Variants in ATXN10 observed in about 807,000 individuals in gnomAD.
The protein encoded by ATXN10 is ataxin 10.
A neutral mutation model predicts 52.9 loss-of-function variants in ATXN10; 28 were observed. The observed-to-expected ratio is 0.53, with a 90% CI of 0.39 to 0.73. The LOEUF is 0.73. Among genes scored for constraint, ATXN10 ranks in the 30% least tolerant of loss-of-function variants. The probability of loss-of-function intolerance (pLI) is 0.00; values close to 1 mark genes in which losing one functional copy is unlikely to be tolerated. For missense variants in ATXN10, 565 were observed against 577.0 expected (o/e 0.98, Z 0.21); for synonymous variants, 226 against 221.5 (o/e 1.02, Z -0.18).
chr22:45,733,668 A>G lies in ATXN10; in HGVS notation c.894+4078A>G, dbSNP rs1925173659. 6.6e-6 allele frequency among the ~76,000 whole-genome samples: 1 copy of G among 151,974 alleles called. No individual in the cohort carries two copies. The highest frequency in any genetic ancestry group is 2.1e-4 in the South Asian group (1 of 4,822). On this transcript the variant is annotated intron_variant, in intron 7 of 11. Coordinates refer to ENST00000252934, the MANE Select transcript of ATXN10 (RefSeq NM_013236.4). This position sits in a 1 kb window ranked among gnomAD's most constrained non-coding sequence, Gnocchi z 4.4. ...GCTACTCGGGAGGCGGAGGCAGAGA[A>G]TCACGTGAACCCGGGAGGCGGAGGT...
At position 45,715,361 on chromosome 22, in the gene ATXN10, G is replaced by A. The variant is rs1157532008; in HGVS notation, c.648-3052G>A. Among the ~76,000 whole-genome samples the A allele has an allele frequency of 6.6e-6, 1 of 152,160 alleles. No homozygotes were observed. The highest frequency in any genetic ancestry group is 1.5e-5 in the Non-Finnish European group (1 of 68,022). On this transcript the variant is annotated intron_variant, in intron 5 of 11. Transcript: ENST00000252934. This position sits in a 1 kb window ranked among gnomAD's most constrained non-coding sequence, Gnocchi z 4.4. ...ACACCTGCTTTTCAGCCATGGGCAG[G>A]ACTCATAGACAAATATCAGTATAGA...
In ATXN10 at chr22:45,683,209, C is replaced by T. The variant is rs1018732986; in HGVS notation, c.117-6503C>T. Among the ~76,000 whole-genome samples the T allele has an allele frequency of 6.6e-6, 1 of 152,188 alleles. No individual in the cohort carries two copies. The highest frequency in any genetic ancestry group is 2.4e-5 in the African/African-American group (1 of 41,440). ...TGGCACATGCCTGAAATTCTACCTA[C>T]TTGGGAGGCTGAGGCATGAGAATTG... On this transcript the variant is annotated intron_variant, in intron 1 of 11. Coordinates refer to ENST00000252934, the MANE Select transcript of ATXN10 (RefSeq NM_013236.4). This position sits in a 1 kb window ranked among gnomAD's most constrained non-coding sequence, Gnocchi z 4.8.
At chr22:45,811,686 C>G (rs985507835) in intron 10 of ATXN10, 1 of 469,976 alleles carries the variant, frequency 2.1e-6, no homozygotes, top group Middle Eastern at 3.3e-4. Context: ...ATGATATTGT[C>G]TCTATCCCCA....
chr22:45,788,445 CA>C (rs1199064603), intron 9 of ATXN10, among the ~76,000 whole-genome samples: 1 of 151,188 alleles, frequency 6.6e-6, no homozygotes, highest in Non-Finnish European at 1.5e-5. Flanking sequence ...CTACCTTTAC[CA>C]TGTATCTCGT....
chr22:45,758,519 A>C lies in ATXN10; in HGVS notation c.1173+17981A>C, dbSNP rs568544771. Among the ~76,000 whole-genome samples the C allele has an allele frequency of 6.6e-5, 10 of 152,278 alleles. 1 individual carries two copies. The highest frequency in any genetic ancestry group is 1.0e-4 in the Non-Finnish European group (7 of 68,054). On this transcript the variant is annotated intron_variant, in intron 9 of 11. Coordinates refer to ENST00000252934, the MANE Select transcript of ATXN10 (RefSeq NM_013236.4). ...AAACTGAAGTTTCCTAAGGCATATC[A>C]CACGTAATTCAAGGTTGCTTTGATG...
intron 1 of ATXN10, chr22:45,674,088 T>C (rs1249352694): frequency 2.0e-5 from 3 of 152,006 alleles, no homozygotes; most frequent in African/African-American, 7.3e-5. Flanking sequence ...TCCGCCTCCA[T>C]TGTGGGGAAT....
At chr22:45,752,838 A>T (rs1926032160) in intron 9 of ATXN10, among the ~76,000 whole-genome samples, 1 of 151,342 alleles carries the variant, frequency 6.6e-6, no homozygotes, top group Admixed American at 6.6e-5. Flanking sequence ...GGTTCAAGTG[A>T]TTCTCCTGCG....
At position 45,843,929 on chromosome 22, in the gene ATXN10, A is replaced by G; in HGVS notation, c.*258A>G. On this transcript the variant is annotated 3_prime_UTR_variant, in exon 12 of 12. Transcript: ENST00000252934. The surrounding 1 kb of genome is among the most constrained non-coding windows in gnomAD (Gnocchi z 4.5). ...AACGTGCATTTAAAGAATATATTGT[A>G]CTTACTGTGACAGCAGATAATAAAC... 1 of 525,116 alleles carries G rather than the reference A, an allele frequency of 1.9e-6. No homozygotes were observed. Among genetic ancestry groups the G allele is most frequent in the Non-Finnish European group, 3.4e-6 (1 of 294,086 alleles). 32.5% of individuals were successfully genotyped at this position (525,116 alleles called of 1,614,324 possible).
chr22:45,764,238 C>T (rs560033468), intron 9 of ATXN10, among the ~76,000 whole-genome samples: 1 of 152,094 alleles, frequency 6.6e-6, no homozygotes, highest in South Asian at 2.1e-4. Flanking sequence ...ACCCCCCAGC[C>T]CCCACCCCCA....
At position 45,813,089 on chromosome 22, in the gene ATXN10, A is replaced by G. The variant is rs894035812; in HGVS notation, c.1237+6067A>G. Among the ~76,000 whole-genome samples, 14 of 152,190 alleles carry G rather than the reference A, an allele frequency of 9.2e-5. No homozygotes were observed. In the East Asian group the frequency reaches 9.6e-4, roughly 10 times the overall value. On this transcript the variant is annotated intron_variant, in intron 10 of 11. Coordinates refer to ENST00000252934, the MANE Select transcript of ATXN10 (RefSeq NM_013236.4). ...CTGCCTCCTCAGGGACACGAGCCCAACTAGTGCCCAGCTGTTCACTCGCCC... is the reference window on the plus strand; with the variant it reads ...CTGCCTCCTCAGGGACACGAGCCCAGCTAGTGCCCAGCTGTTCACTCGCCC...
Position 45,841,874 on chromosome 22 carries a change from C to T in ATXN10, c.1238-1117C>T, listed in dbSNP as rs940894743. 6.6e-6 allele frequency among the ~76,000 whole-genome samples: 1 copy of T among 152,158 alleles called. No individual in the cohort carries two copies. The highest frequency in any genetic ancestry group is 2.4e-5 in the African/African-American group (1 of 41,418). ...TGCACAGGGGTGTTCAGGACAAGAT[C>T]AGAAGACTTGGCTCTTTAGCTCTAG... is the stretch of plus-strand genomic sequence containing the variant. On this transcript the variant is annotated intron_variant, in intron 10 of 11. Coordinates refer to ENST00000252934, the MANE Select transcript of ATXN10 (RefSeq NM_013236.4). The surrounding 1 kb of genome is among the most constrained non-coding windows in gnomAD (Gnocchi z 5.1).
Position 45,786,550 on chromosome 22 carries a change from T to C in ATXN10, c.1174-20409T>C, listed in dbSNP as rs1927330242. On this transcript the variant is annotated intron_variant, in intron 9 of 11. Coordinates refer to ENST00000252934, the MANE Select transcript of ATXN10 (RefSeq NM_013236.4). This position sits in a 1 kb window ranked among gnomAD's most constrained non-coding sequence, Gnocchi z 4.1. ...GGGCATTGCTCCCTGGTCGGAAGGATTGTTGGTTCTTCCTTACTTAGGTCT... is the reference window on the plus strand; with the variant it reads ...GGGCATTGCTCCCTGGTCGGAAGGACTGTTGGTTCTTCCTTACTTAGGTCT... 6.6e-6 allele frequency among the ~76,000 whole-genome samples: 1 copy of C among 152,208 alleles called. No homozygotes were observed. The highest frequency in any genetic ancestry group is 2.1e-4 in the South Asian group (1 of 4,836).
At position 45,787,025 on chromosome 22, in the gene ATXN10, C is replaced by T. The variant is rs530035031; in HGVS notation, c.1174-19934C>T. Reference sequence around the variant, plus strand: ...CATGATGCAAATGTCCTGAAATGTTCAGTAAATTATGGTAGGTTATAGTGA... The same window carrying T: ...CATGATGCAAATGTCCTGAAATGTTTAGTAAATTATGGTAGGTTATAGTGA... On this transcript the variant is annotated intron_variant, in intron 9 of 11. Transcript: ENST00000252934. This position sits in a 1 kb window ranked among gnomAD's most constrained non-coding sequence, Gnocchi z 4.2. 6.6e-6 allele frequency among the ~76,000 whole-genome samples: 1 copy of T among 152,152 alleles called. No homozygotes were observed. The highest frequency in any genetic ancestry group is 2.4e-5 in the African/African-American group (1 of 41,490).
intron 10 of ATXN10, among the ~76,000 whole-genome samples, chr22:45,808,434 G>C (rs1355964966): frequency 6.6e-6 from 1 of 152,196 alleles, no homozygotes; most frequent in Admixed American, 6.5e-5. Flanking sequence ...AAAATAAAAA[G>C]ACTGTTGTAC....
intron 9 of ATXN10, among the ~76,000 whole-genome samples, chr22:45,743,997 G>A (rs975342618): frequency 4.0e-4 from 61 of 152,062 alleles, no homozygotes; most frequent in African/African-American, 1.3e-3. Flanking sequence ...GTCAGTCTGC[G>A]TCTCCTAGGC....
chr22:45,725,983 T>G (rs1924854075), intron 6 of ATXN10, among the ~76,000 whole-genome samples: 2 of 152,178 alleles, frequency 1.3e-5, no homozygotes, highest in Admixed American at 1.3e-4. Flanking sequence ...GAACCATCCC[T>G]ACATCCTAAG....
At chr22:45,838,412 T>C (rs1454643699) in intron 10 of ATXN10, among the ~76,000 whole-genome samples, 1 of 152,224 alleles carries the variant, frequency 6.6e-6, no homozygotes, top group Non-Finnish European at 1.5e-5. Context: ...AGTCCCGCTC[T>C]AGTGCTGATT....
Position 45,688,924 on chromosome 22 carries a change from T to C in ATXN10, c.117-788T>C, listed in dbSNP as rs1265618121. Among the ~76,000 whole-genome samples, 1 of 152,200 alleles carries C rather than the reference T, an allele frequency of 6.6e-6. No individual in the cohort carries two copies. The highest frequency in any genetic ancestry group is 1.5e-5 in the Non-Finnish European group (1 of 68,034). ...GGTGCAATGTTGCACAAAAAATTCT[T>C]ATCTTTAGAGCTCTGGAATGATAGC... is the stretch of plus-strand genomic sequence containing the variant. On this transcript the variant is annotated intron_variant, in intron 1 of 11. Transcript: ENST00000252934. The surrounding 1 kb of genome is among the most constrained non-coding windows in gnomAD (Gnocchi z 4.0).
rs1922452482 is a variant in ATXN10 at position 45,671,907 on chromosome 22, C to G, written c.-157C>G. On this transcript the variant is annotated 5_prime_UTR_variant, in exon 1 of 12. Coordinates refer to ENST00000252934, the MANE Select transcript of ATXN10 (RefSeq NM_013236.4). ...CTCCGGCGGCGGCGCAGCTTCAGGGCAGCGCGGGCTGCAGCGGCGGCGGCG... is the reference window on the plus strand; with the variant it reads ...CTCCGGCGGCGGCGCAGCTTCAGGGGAGCGCGGGCTGCAGCGGCGGCGGCG... The G allele has an allele frequency of 7.6e-6, 6 of 794,114 alleles. No individual in the cohort carries two copies. The highest frequency in any genetic ancestry group is 1.8e-5 in the African/African-American group (1 of 55,290). The allele number at this position is 794,114 out of a possible 1,614,324, so 49.2% of individuals were successfully genotyped here. A position where few individuals can be genotyped will look rare whatever the true frequency, so the allele number is the denominator to read the frequency against.
Sources: allele counts gnomAD v4.1 joint callset (sites outside exome capture counted in the v4.1 genomes callset), GRCh38; gene constraint gnomAD v4.1.1; non-coding constraint Gnocchi (gnomAD v3.1); transcripts MANE v1.5; gene names NCBI Gene and HGNC (gene_info 2026-07-23, HGNC 2026-07-21).